LDB2: variants seen among roughly 807,000 people sequenced by gnomAD.
LDB2 encodes LIM domain binding 2, also known as LIM domain-binding protein 2.
In LDB2, 12 loss-of-function variants were observed where a neutral mutation model predicts 44.3. The ratio of observed to expected loss-of-function variants is 0.27; its 90% CI spans 0.17 to 0.44. The LOEUF (loss-of-function observed/expected upper bound fraction) is 0.44. Among genes scored for constraint, LDB2 ranks in the 20% least tolerant of loss-of-function variants. The pLI is 1.00. For missense variants in LDB2, 344 were observed against 473.5 expected, an observed-to-expected ratio of 0.73 and a Z score of 2.54; for synonymous variants, 164 against 174.8, an observed-to-expected ratio of 0.94 and a Z score of 0.49.
chr4:16,661,254 G>C (rs1209752169), intron 2 of LDB2, among the ~76,000 whole-genome samples: 1 of 152,188 alleles, frequency 6.6e-6, no homozygotes, highest in Non-Finnish European at 1.5e-5. Flanking sequence ...GAAGCAAACA[G>C]TTTTGGCACA....
At chr4:16,607,601 G>T (rs1357783213) in intron 2 of LDB2, among the ~76,000 whole-genome samples, 1 of 151,940 alleles carries the variant, frequency 6.6e-6, no homozygotes, top group Non-Finnish European at 1.5e-5. Flanking sequence ...CTATGCACGT[G>T]AAGTGCTTAG....
intron 1 of LDB2, among the ~76,000 whole-genome samples, chr4:16,838,957 C>T (rs1251323619): frequency 3.3e-5 from 5 of 152,270 alleles, no homozygotes; most frequent in Admixed American, 3.3e-4. Context: ...AAATGTTGCT[C>T]TATGTTAGTG....
At chr4:16,839,444 A>C (rs1785466965) in intron 1 of LDB2, among the ~76,000 whole-genome samples, 1 of 152,084 alleles carries the variant, frequency 6.6e-6, no homozygotes, top group Non-Finnish European at 1.5e-5. Context: ...TGAGGGATCC[A>C]CCTCCATGGC....
intron 5 of LDB2, among the ~76,000 whole-genome samples, chr4:16,569,145 G>C (rs779094502): frequency 1.1e-4 from 17 of 152,096 alleles, no homozygotes; most frequent in Non-Finnish European, 1.8e-4. Flanking sequence ...TTTAGGTAAA[G>C]CACAGACAGA....
At chr4:16,765,633 G>A (rs2109286814) in intron 1 of LDB2, among the ~76,000 whole-genome samples, 1 of 152,292 alleles carries the variant, frequency 6.6e-6, no homozygotes, top group African/African-American at 2.4e-5. Flanking sequence ...TAATGGAGTA[G>A]AAAAATGGAC....
At chr4:16,522,276 T>TTGTGTGTGTGCGTGTG (rs1553878109) in intron 5 of LDB2, among the ~76,000 whole-genome samples, 13 of 150,234 alleles carry the variant, frequency 8.7e-5, no homozygotes, top group African/African-American at 2.2e-4. Flanking sequence ...GTGTGTGTGT[T>TTGTGTGTGTGCGTGTG]TGTGTGTGTG....
At chr4:16,540,254 A>T (rs1287647910) in intron 5 of LDB2, among the ~76,000 whole-genome samples, 1 of 152,110 alleles carries the variant, frequency 6.6e-6, no homozygotes, top group Non-Finnish European at 1.5e-5. Context: ...TGGGCTTGGG[A>T]GTGGACATGA....
At chr4:16,740,938 A>G (rs965210977) in intron 2 of LDB2, among the ~76,000 whole-genome samples, 4 of 152,264 alleles carry the variant, frequency 2.6e-5, no homozygotes, top group African/African-American at 9.6e-5. Flanking sequence ...TCAGAAGTGT[A>G]TGGCTAGGAA....
intron 1 of LDB2, among the ~76,000 whole-genome samples, chr4:16,777,322 G>C (rs985181451): frequency 6.6e-6 from 1 of 152,116 alleles, no homozygotes; most frequent in Non-Finnish European, 1.5e-5. Context: ...TCCTGTTAGT[G>C]CAACATTTCA....
At chr4:16,504,187 A>G (rs1718446711) in intron 7 of LDB2, among the ~76,000 whole-genome samples, 1 of 152,216 alleles carries the variant, frequency 6.6e-6, no homozygotes, top group Non-Finnish European at 1.5e-5. Flanking sequence ...TCATTTTACT[A>G]GAGCTTTGCC....
chr4:16,867,872 C>T (rs1715225760), intron 1 of LDB2, among the ~76,000 whole-genome samples: 1 of 152,148 alleles, frequency 6.6e-6, no homozygotes. Flanking sequence ...AAGATATCAA[C>T]AATCCATGAC....
intron 2 of LDB2, among the ~76,000 whole-genome samples, chr4:16,658,281 G>T (rs752118097): frequency 7.2e-5 from 11 of 152,106 alleles, no homozygotes; most frequent in Non-Finnish European, 4.4e-5. Context: ...TGAAATCATC[G>T]CTTACAATAA....
At chr4:16,579,730 G>T (rs1194699066) in intron 5 of LDB2, among the ~76,000 whole-genome samples, 1 of 152,162 alleles carries the variant, frequency 6.6e-6, no homozygotes, top group African/African-American at 2.4e-5. Context: ...TAGGGCAAAT[G>T]AATTCAACTG....
chr4:16,822,647 G>T (rs1782317651), intron 1 of LDB2, among the ~76,000 whole-genome samples: 1 of 151,976 alleles, frequency 6.6e-6, no homozygotes, highest in Admixed American at 6.6e-5. Flanking sequence ...CCAAGTAGCT[G>T]GAAATTACAG....
chr4:16,623,601 A>ATAAT lies in LDB2; in HGVS notation c.236-27727_236-27726insATTA, dbSNP rs573078926. Among the ~76,000 whole-genome samples the ATAAT allele has an allele frequency of 7.2e-4, 106 of 146,216 alleles. No individual in the cohort carries two copies. In the South Asian group the frequency reaches 0.023, roughly 31 times the overall value. On this transcript the variant is annotated intron_variant, in intron 2 of 7. Transcript: ENST00000304523. ...GACAGAGCAAGACTCTGTCTCAAAA[A>ATAAT]TAAATAAATAAATAAATAAAAATAA...
intron 2 of LDB2, among the ~76,000 whole-genome samples, chr4:16,667,727 T>A (rs1013985730): frequency 4.6e-5 from 7 of 152,182 alleles, no homozygotes; most frequent in Non-Finnish European, 8.8e-5. Flanking sequence ...TGCTCAGGCC[T>A]GGAGAAAAGG....
At chr4:16,739,349 G>C (rs903315322) in intron 2 of LDB2, among the ~76,000 whole-genome samples, 6 of 151,168 alleles carry the variant, frequency 4.0e-5, no homozygotes, top group African/African-American at 1.5e-4. Flanking sequence ...CGCTTTGGGA[G>C]GCCGAGGCAG....
chr4:16,720,794 C>T (rs1301298295), intron 2 of LDB2, among the ~76,000 whole-genome samples: 1 of 152,068 alleles, frequency 6.6e-6, no homozygotes, highest in Non-Finnish European at 1.5e-5. Flanking sequence ...AAGGAATTAC[C>T]ATGTTGCAGC....
At chr4:16,662,571 T>C (rs1011177070) in intron 2 of LDB2, among the ~76,000 whole-genome samples, 17 of 152,164 alleles carry the variant, frequency 1.1e-4, no homozygotes, top group African/African-American at 3.9e-4. Flanking sequence ...CCTTGAATTG[T>C]AGCTCTCATA....
Sources: gnomAD v4.1 joint callset for allele counts (sites outside exome capture counted in the v4.1 genomes callset) on GRCh38, gnomAD v4.1.1 for gene constraint, MANE v1.5 for transcripts, NCBI Gene and HGNC (gene_info 2026-07-23, HGNC 2026-07-21) for gene names.